PODXL2: variants seen among roughly 807,000 people sequenced by gnomAD.
PODXL2 encodes the protein podocalyxin like 2.
Under a neutral mutation model 53.4 loss-of-function variants are expected in PODXL2, and 17 were observed. The observed-to-expected ratio is 0.32, with a 90% CI of 0.22 to 0.48. PODXL2 has a LOEUF of 0.48. Ranked by LOEUF, PODXL2 falls within the 20% of genes least tolerant of loss-of-function variation. The pLI is 0.99. For missense variants in PODXL2, 673 were observed against 760.0 expected (o/e 0.89, Z 1.35); for synonymous variants, 311 against 306.7 (o/e 1.01, Z -0.15).
In PODXL2 at chr3:127,650,229, G is replaced by C. The variant is rs80234108; in HGVS notation, c.350-10149G>C. On this transcript the variant is annotated intron_variant, in intron 2 of 7. Transcript: ENST00000342480. Reference sequence around the variant, plus strand: ...GAAGTTCATCCCTGGGATTATGGCTGCCCTGAGAGATAGAAGTAAAGTCCA... The same window carrying C: ...GAAGTTCATCCCTGGGATTATGGCTCCCCTGAGAGATAGAAGTAAAGTCCA... Among the ~76,000 whole-genome samples the C allele has an allele frequency of 5.7e-3, 863 of 152,302 alleles. 16 individuals carry two copies. Among genetic ancestry groups the C allele is most frequent in the African/African-American group, 0.02 (820 of 41,552 alleles).
At chr3:127,638,768 T>C (rs2074594785) in intron 1 of PODXL2, among the ~76,000 whole-genome samples, 1 of 152,216 alleles carries the variant, frequency 6.6e-6, no homozygotes, top group South Asian at 2.1e-4. Context: ...ACTGTATTGC[T>C]GAAATACAAA....
chr3:127,637,731 C>A (rs1004820503), intron 1 of PODXL2, among the ~76,000 whole-genome samples: 2 of 152,238 alleles, frequency 1.3e-5, no homozygotes, highest in Non-Finnish European at 2.9e-5. Flanking sequence ...CCCATCCACA[C>A]AACCCAGAAT....
At chr3:127,671,945 A>G (rs2074846722) in intron 7 of PODXL2, among the ~76,000 whole-genome samples, 1 of 152,294 alleles carries the variant, frequency 6.6e-6, no homozygotes, top group African/African-American at 2.4e-5. Context: ...AGGATCAAGG[A>G]GAGGCTCCAG....
rs1270407781 is a variant in PODXL2 at position 127,671,451 on chromosome 3, T to C, written c.1443T>C (p.Tyr481=). 1 of 1,613,980 alleles carries C rather than the reference T, an allele frequency of 6.2e-7. No individual in the cohort carries two copies. Among genetic ancestry groups the C allele is most frequent in the Admixed American group, 1.7e-5 (1 of 60,008 alleles). ...RSLEEIGIQN[Y]STTSSCQARA... The stretch of plus-strand genomic sequence containing the variant: ...ACCCCTAGATTGGCATCCAGAACTA[T>C]TCCACAACCAGCAGCTGCCAGGCGC... The change falls in exon 7 of 8, where the codon TAT becomes TAC. Residue 481 remains tyrosine (Y), a synonymous_variant. Coordinates refer to ENST00000342480, the MANE Select transcript of PODXL2 (RefSeq NM_015720.4).
chr3:127,653,428 C>T (rs2074701942), intron 2 of PODXL2, among the ~76,000 whole-genome samples: 1 of 152,180 alleles, frequency 6.6e-6, no homozygotes. Context: ...AGGCAGATCA[C>T]GAGGTCAAGA....
intron 6 of PODXL2, among the ~76,000 whole-genome samples, chr3:127,669,530 A>G (rs1378575014): frequency 1.3e-5 from 2 of 152,092 alleles, no homozygotes; most frequent in Non-Finnish European, 2.9e-5. Flanking sequence ...GTTAACTGGG[A>G]GTTTTCTGGG....
chr3:127,672,453 C>G lies in PODXL2; in HGVS notation c.1791C>G (p.Asp597Glu), dbSNP rs761193189. The G allele has an allele frequency of 1.9e-5, 29 of 1,533,914 alleles. No individual in the cohort carries two copies. In the African/African-American group the frequency reaches 3.7e-4, roughly 20 times the overall value. The change falls in exon 8 of 8, where the codon GAC (aspartate) becomes GAG (glutamate). Residue 597 changes from aspartate (D) to glutamate (E), a missense_variant. Asp to Glu is a conservative substitution (Grantham distance 45). Transcript: ENST00000342480. ...GCAAGCGGGACCCCGAGGACTCGGA[C>G]GTGTTCGAGGAGGACACGCACCTGT... ...MGGKRDPEDSDVFEEDTHL is the reference protein window; with the variant it reads ...MGGKRDPEDSEVFEEDTHL
intron 1 of PODXL2, among the ~76,000 whole-genome samples, chr3:127,632,527 T>G (rs572665338): frequency 3.8e-4 from 58 of 152,272 alleles, no homozygotes; most frequent in Non-Finnish European, 5.7e-4. Context: ...GCTGCCCGGG[T>G]GCCCCGGGAA....
chr3:127,671,628 A>C lies in PODXL2; in HGVS notation c.1605+15A>C. On this transcript the variant is annotated intron_variant, in intron 7 of 7. Coordinates refer to ENST00000342480, the MANE Select transcript of PODXL2 (RefSeq NM_015720.4). The stretch of plus-strand genomic sequence containing the variant: ...TCAAGCACGTGGTGAGTGTGGGGAC[A>C]GGTGGGGCTGGGGGCCAGTTGAGAG... The C allele has an allele frequency of 6.2e-7, 1 of 1,610,154 alleles. No individual in the cohort carries two copies. Among genetic ancestry groups the C allele is most frequent in the South Asian group, 1.1e-5 (1 of 91,062 alleles).
rs780235542 is a variant in PODXL2 at position 127,671,586 on chromosome 3, G to T, written c.1578G>T (p.Gln526His). 10 of 1,613,876 alleles carry T rather than the reference G, an allele frequency of 6.2e-6. No homozygotes were observed. The highest frequency in any genetic ancestry group is 6.8e-6 in the Non-Finnish European group (8 of 1,180,010). ...IALGLLYNCW[Q>H]RRLPKLKHVS... ...TTGGCCTGCTCTACAACTGCTGGCA[G>T]CGCCGGCTGCCCAAGCTCAAGCACG... is the stretch of plus-strand genomic sequence containing the variant. The change falls in exon 7 of 8, where the codon CAG becomes CAT. Residue 526 changes from glutamine to histidine, a missense_variant. Gln to His is a conservative substitution (Grantham distance 24). Transcript: ENST00000342480.
At chr3:127,671,940 C>G (rs1348319602) in intron 7 of PODXL2, among the ~76,000 whole-genome samples, 1 of 152,162 alleles carries the variant, frequency 6.6e-6, no homozygotes, top group Non-Finnish European at 1.5e-5. Context: ...GCCCAAGGAT[C>G]AAGGAGAGGC....
At chr3:127,648,398 G>T (rs2074668417) in intron 2 of PODXL2, among the ~76,000 whole-genome samples, 1 of 152,208 alleles carries the variant, frequency 6.6e-6, no homozygotes, top group Non-Finnish European at 1.5e-5. Flanking sequence ...GTGTATCCAT[G>T]TCCTTAGGAT....
At chr3:127,668,302 G>A (rs952239275) in intron 4 of PODXL2, 139 bp from the exon 5 acceptor site, 4 of 665,186 alleles carry the variant, frequency 6.0e-6, no homozygotes, top group Non-Finnish European at 9.0e-6. Context: ...CTCTCAGAGG[G>A]TCTCCAGAGT....
At position 127,639,248 on chromosome 3, in the gene PODXL2, C is replaced by T. The variant is rs2074598113; in HGVS notation, c.74C>T (p.Ala25Val). ...TCTGGCTTTTATGTCTGCACAGGAG[C>T]GTTCCTGGGTGCCTGTGTGGCTGGG... is the stretch of plus-strand genomic sequence containing the variant. ...SPLLLLLVGGAFLGACVAGSD... is the reference protein window; with the variant it reads ...SPLLLLLVGGVFLGACVAGSD... Residue 25 changes from alanine to valine, a missense_variant, in exon 2 of 8, where the codon GCG becomes GTG. Physicochemically the swap from Ala to Val is moderately conservative, Grantham distance 64. Around this residue, in one of 3 missense-constraint regions of PODXL2, gnomAD observed 588 missense variants for 668.3 expected, o/e 0.88. Coordinates refer to ENST00000342480, the MANE Select transcript of PODXL2 (RefSeq NM_015720.4). 5.6e-6 allele frequency: 9 copies of T among 1,599,698 alleles called. No homozygotes were observed. Among genetic ancestry groups the T allele is most frequent in the South Asian group, 2.2e-5 (2 of 89,116 alleles).
intron 2 of PODXL2, among the ~76,000 whole-genome samples, chr3:127,655,602 A>C (rs762003617): frequency 1.3e-5 from 2 of 152,200 alleles, no homozygotes; most frequent in African/African-American, 2.4e-5. Context: ...GAGGTTAAGC[A>C]GCATGTCCAA....
intron 2 of PODXL2, among the ~76,000 whole-genome samples, chr3:127,651,966 C>T (rs953901908): frequency 6.6e-6 from 1 of 152,188 alleles, no homozygotes. Flanking sequence ...GTGATTCAAG[C>T]CCAGCTTTAA....
intron 6 of PODXL2, among the ~76,000 whole-genome samples, chr3:127,670,814 G>C (rs1477292047): frequency 6.6e-6 from 1 of 152,218 alleles, no homozygotes; most frequent in Non-Finnish European, 1.5e-5. Flanking sequence ...GATCTCCTTG[G>C]CCAGAGAAGG....
chr3:127,640,229 C>T (rs2074606360), intron 2 of PODXL2, among the ~76,000 whole-genome samples: 1 of 152,242 alleles, frequency 6.6e-6, no homozygotes, highest in South Asian at 2.1e-4. Flanking sequence ...AGGGCCCCAT[C>T]TCTTAGTAGG....
intron 4 of PODXL2, among the ~76,000 whole-genome samples, chr3:127,662,661 TCATATATATA>T (rs1214798084): frequency 5.9e-5 from 9 of 152,200 alleles, no homozygotes; most frequent in African/African-American, 2.2e-4. Flanking sequence ...CTCAGCCTTT[TCATATATATA>T]CATGCTCTCC....
Sources: allele counts gnomAD v4.1 joint callset (sites outside exome capture counted in the v4.1 genomes callset), GRCh38; gene constraint gnomAD v4.1.1; regional missense constraint gnomAD v4.1.1; transcripts MANE v1.5; gene names NCBI Gene and HGNC (gene_info 2026-07-23, HGNC 2026-07-21).